Variants in HIPK2 observed in about 807,000 individuals in gnomAD.
HIPK2 encodes homeodomain-interacting protein kinase 2.
HIPK2 carries 27 observed loss-of-function variants against 113.7 expected under a neutral mutation model. The observed-to-expected ratio is 0.24, with a 90% CI of 0.17 to 0.33. The LOEUF is 0.33. Among genes scored for constraint, HIPK2 ranks in the 10% least tolerant of loss-of-function variants. HIPK2 has a pLI of 1.00. For synonymous variants in HIPK2, 631 were observed against 642.2 expected, an observed-to-expected ratio of 0.98 and a Z score of 0.26; for missense variants, 1,257 against 1,588.0, an observed-to-expected ratio of 0.79 and a Z score of 3.54.
chr7:139,572,800 T>G lies in HIPK2; in HGVS notation c.*127A>C. ...CCCCCCCGCCCCTGCCCCGTTTGCA[T>G]TGTTTGTGTGCGGCATCTTCAGTAT... On this transcript the variant is annotated 3_prime_UTR_variant, in exon 15 of 15. Coordinates refer to ENST00000406875, the MANE Select transcript of HIPK2 (RefSeq NM_022740.5). The G allele has an allele frequency of 4.6e-5, 7 of 152,676 alleles. No homozygotes were observed. The highest frequency in any genetic ancestry group is 4.7e-4 in the East Asian group (2 of 4,298). The allele number at this position is 152,676 out of a possible 1,614,324, so 9.5% of individuals were successfully genotyped here. A position where few individuals can be genotyped will look rare whatever the true frequency, so the allele number is the denominator to read the frequency against.
chr7:139,637,698 T>G (rs1800858701), intron 2 of HIPK2, among the ~76,000 whole-genome samples: 1 of 152,244 alleles, frequency 6.6e-6, no homozygotes, highest in African/African-American at 2.4e-5. Context: ...TAGCCACTCA[T>G]TAAGCATTTG....
rs139115416 is a variant in HIPK2, at chr7:139,658,404, A to C, written c.1104-26679T>G. 3.3e-3 allele frequency among the ~76,000 whole-genome samples: 509 copies of C among 152,348 alleles called. 5 individuals carry two copies. Among genetic ancestry groups the C allele is most frequent in the African/African-American group, 0.012 (491 of 41,574 alleles). ...TTAATTAACTCATTCACTCACTCAA[A>C]TCATTCAATGTATGTATGCTACACA... On this transcript the variant is annotated intron_variant, in intron 2 of 14. Coordinates refer to ENST00000406875, the MANE Select transcript of HIPK2 (RefSeq NM_022740.5).
chr7:139,651,173 G>A (rs765896755), intron 2 of HIPK2, among the ~76,000 whole-genome samples: 10 of 152,114 alleles, frequency 6.6e-5, no homozygotes, highest in Non-Finnish European at 1.2e-4. Flanking sequence ...TCCAGCCCCT[G>A]CCCTGCCCTG....
At chr7:139,588,732 G>A (rs1254322694) in intron 12 of HIPK2, among the ~76,000 whole-genome samples, 1 of 152,174 alleles carries the variant, frequency 6.6e-6, no homozygotes, top group East Asian at 1.9e-4. Flanking sequence ...GACAAGGGCA[G>A]AGAAACCTGC....
intron 2 of HIPK2, among the ~76,000 whole-genome samples, chr7:139,653,808 C>G (rs972939445): frequency 3.9e-5 from 6 of 151,970 alleles, no homozygotes; most frequent in Non-Finnish European, 5.9e-5. Flanking sequence ...TCTCGGCTCA[C>G]TGCAACCTCC....
At chr7:139,640,111 T>C (rs1287875575) in intron 2 of HIPK2, among the ~76,000 whole-genome samples, 1 of 152,176 alleles carries the variant, frequency 6.6e-6, no homozygotes, top group Non-Finnish European at 1.5e-5. Flanking sequence ...CATTACTATT[T>C]TGGGACATCA....
At chr7:139,658,964 A>G (rs1039082460) in intron 2 of HIPK2, among the ~76,000 whole-genome samples, 1 of 152,182 alleles carries the variant, frequency 6.6e-6, no homozygotes. Context: ...ATTCACTACA[A>G]TGGATGTCTT....
chr7:139,677,242 A>T (rs1031039753), intron 2 of HIPK2, among the ~76,000 whole-genome samples: 20 of 113,928 alleles, frequency 1.8e-4, no homozygotes, highest in African/African-American at 6.9e-4. Flanking sequence ...TATTATATAT[A>T]TTATATATAT....
At chr7:139,608,159 G>A (rs1246924557) in intron 9 of HIPK2, among the ~76,000 whole-genome samples, 6 of 151,716 alleles carry the variant, frequency 4.0e-5, no homozygotes, top group African/African-American at 1.5e-4. Flanking sequence ...CACGAGAATT[G>A]CTTGAACCCA....
At chr7:139,621,818 G>T (rs982507564) in intron 6 of HIPK2, among the ~76,000 whole-genome samples, 1 of 151,354 alleles carries the variant, frequency 6.6e-6, no homozygotes, top group Non-Finnish European at 1.5e-5. Flanking sequence ...AGCTACTTAG[G>T]AGGCTGAGGT....
intron 2 of HIPK2, among the ~76,000 whole-genome samples, chr7:139,708,851 C>G (rs1225961752): frequency 1.3e-5 from 2 of 152,112 alleles, no homozygotes; most frequent in Non-Finnish European, 2.9e-5. Flanking sequence ...ATAAGCACAC[C>G]TGTGCCTGCA....
At chr7:139,768,343 C>G (rs537788561) in intron 1 of HIPK2, among the ~76,000 whole-genome samples, 1 of 152,260 alleles carries the variant, frequency 6.6e-6, no homozygotes. Context: ...ACAACAGGAC[C>G]CTATCTGAGG....
At chr7:139,697,692 G>C (rs1288787424) in intron 2 of HIPK2, among the ~76,000 whole-genome samples, 2 of 151,660 alleles carry the variant, frequency 1.3e-5, no homozygotes, top group East Asian at 3.9e-4. Flanking sequence ...TTTTTAAAGT[G>C]AACAACTCAG....
At chr7:139,629,073 G>A (rs756636964) in intron 4 of HIPK2, 34 bp from the exon 5 acceptor site, 14 of 1,537,022 alleles carry the variant, frequency 9.1e-6, no homozygotes, top group Non-Finnish European at 9.8e-6. Flanking sequence ...TTGGTAGCGT[G>A]ACTTAGCTCC....
At chr7:139,670,923 G>A (rs1161871609) in intron 2 of HIPK2, among the ~76,000 whole-genome samples, 1 of 151,764 alleles carries the variant, frequency 6.6e-6, no homozygotes, top group East Asian at 1.9e-4. Context: ...ACCATGCCTG[G>A]CTAATTTTTG....
intron 1 of HIPK2, among the ~76,000 whole-genome samples, chr7:139,720,452 A>G (rs1445697662): frequency 1.3e-5 from 2 of 152,186 alleles, no homozygotes; most frequent in Non-Finnish European, 1.5e-5. Flanking sequence ...GCACGTCTGT[A>G]GGAATCCTCG....
intron 1 of HIPK2, among the ~76,000 whole-genome samples, chr7:139,767,503 A>G (rs1347967248): frequency 6.6e-6 from 1 of 152,238 alleles, no homozygotes; most frequent in Admixed American, 6.5e-5. Context: ...CAGAGAGCAG[A>G]GACGCCATCA....
intron 6 of HIPK2, among the ~76,000 whole-genome samples, chr7:139,626,110 T>C (rs1800419446): frequency 1.3e-5 from 2 of 150,762 alleles, no homozygotes; most frequent in African/African-American, 4.9e-5. Context: ...TTCTTTCCTT[T>C]TTTTTTTTTT....
At chr7:139,774,650 A>G (rs543403030) in intron 1 of HIPK2, among the ~76,000 whole-genome samples, 3 of 152,160 alleles carry the variant, frequency 2.0e-5, no homozygotes, top group Non-Finnish European at 4.4e-5. Context: ...TACATAAGCC[A>G]ATAGTAATCA....
Sources: allele counts gnomAD v4.1 joint callset (sites outside exome capture counted in the v4.1 genomes callset), GRCh38; gene constraint gnomAD v4.1.1; transcripts MANE v1.5; gene names NCBI Gene and HGNC (gene_info 2026-07-23, HGNC 2026-07-21).